PDE4A: variants seen among roughly 807,000 people sequenced by gnomAD.
PDE4A encodes phosphodiesterase 4A, also known as 3',5'-cyclic-AMP phosphodiesterase 4A.
A neutral mutation model predicts 73.9 loss-of-function variants in PDE4A; 21 were observed. The observed-to-expected ratio is 0.28, with a 90% CI of 0.20 to 0.41. PDE4A has a LOEUF of 0.41. Ranked by LOEUF, PDE4A falls within the 10% of genes least tolerant of loss-of-function variation. The pLI, the probability that PDE4A is intolerant of heterozygous loss-of-function variation, is 1.00. For missense variants in PDE4A, 958 were observed against 1,211.4 expected (o/e 0.79, Z 3.10); for synonymous variants, 463 against 505.4 (o/e 0.92, Z 1.13).
chr19:10,433,981 A>G (rs1412603900), intron 1 of PDE4A, among the ~76,000 whole-genome samples: 2 of 152,198 alleles, frequency 1.3e-5, no homozygotes, highest in East Asian at 1.9e-4. Context: ...CTGTAATCCC[A>G]GCACTTTGGG....
rs879808024 is a variant in PDE4A at position 10,453,136 on chromosome 19, AG to A, written c.784-1691del. ...GCCCCCAGCCCTGCTGGGCCGGCCC[AG>A]GCCCCTCCGCGGCTCCCCCTTCCAC... On this transcript the variant is annotated intron_variant, in intron 6 of 14. Transcript: ENST00000380702. This position sits in a 1 kb window ranked among gnomAD's most constrained non-coding sequence, Gnocchi z 4.6. 6.3e-6 allele frequency: 9 copies of A among 1,418,044 alleles called. No individual in the cohort carries two copies. Among genetic ancestry groups the A allele is most frequent in the African/African-American group, 2.9e-5 (2 of 68,028 alleles). 87.8% of individuals were successfully genotyped at this position (1,418,044 alleles called of 1,614,324 possible). A position where few individuals can be genotyped will look rare whatever the true frequency, so the allele number is the denominator to read the frequency against.
At chr19:10,438,107 C>G (rs1364839249) in intron 1 of PDE4A, among the ~76,000 whole-genome samples, 1 of 151,636 alleles carries the variant, frequency 6.6e-6, no homozygotes, top group African/African-American at 2.4e-5. Flanking sequence ...CTTCACCCAG[C>G]CTCCAAGACT....
At chr19:10,456,250 G>A (rs540985235) in intron 7 of PDE4A, among the ~76,000 whole-genome samples, 4 of 151,868 alleles carry the variant, frequency 2.6e-5, no homozygotes, top group South Asian at 4.2e-4. Context: ...AAACTAGGCC[G>A]GGCGCAGTGG....
At position 10,451,001 on chromosome 19, in the gene PDE4A, G is replaced by A. The variant is rs377541220; in HGVS notation, c.783+60G>A. The A allele has an allele frequency of 2.9e-4, 434 of 1,498,398 alleles. 6 individuals are homozygous for A. The East Asian group carries it at 8.2e-3, about 28-fold the overall frequency. The allele number at this position is 1,498,398 out of a possible 1,614,324, so 92.8% of individuals were successfully genotyped here. A position where few individuals can be genotyped will look rare whatever the true frequency, so the allele number is the denominator to read the frequency against. ...CAGGCGGGGGCGGGGCCAGTGGGTA[G>A]AGCCAACCGCTGGATGGGACCAGTG... On this transcript the variant is annotated intron_variant, in intron 6 of 14. Coordinates refer to ENST00000380702, the MANE Select transcript of PDE4A (RefSeq NM_001111307.2).
At chr19:10,423,359 A>G (rs1373534683) in intron 1 of PDE4A, among the ~76,000 whole-genome samples, 1 of 151,712 alleles carries the variant, frequency 6.6e-6, no homozygotes, top group Non-Finnish European at 1.5e-5. Flanking sequence ...GGGTTTCACC[A>G]TGTTGGCCAG....
rs1376773158 is a variant in PDE4A, at chr19:10,420,854, G to A, written c.90G>A (p.Pro30=). ...REGQATLKPP[P]QHLWRQPRTP... is the part of the protein sequence containing the mutation. ...GCCAGGCCACCCTGAAGCCTCCCCCGCAGCACCTGTGGCGGCAGCCTCGGA... is the reference window on the plus strand; with the variant it reads ...GCCAGGCCACCCTGAAGCCTCCCCCACAGCACCTGTGGCGGCAGCCTCGGA... The change falls in exon 1 of 15, where the codon CCG becomes CCA. Residue 30 remains proline, a synonymous_variant. Coordinates refer to ENST00000380702, the MANE Select transcript of PDE4A (RefSeq NM_001111307.2). This position sits in a 1 kb window ranked among gnomAD's most constrained non-coding sequence, Gnocchi z 6.0. The A allele has an allele frequency of 6.3e-7, 1 of 1,589,786 alleles. No homozygotes were observed. Among genetic ancestry groups the A allele is most frequent in the Non-Finnish European group, 8.5e-7 (1 of 1,175,962 alleles).
upstream of PDE4A, chr19:10,417,928 G>A (rs1445197675): frequency 4.7e-6 from 7 of 1,491,006 alleles, no homozygotes; most frequent in African/African-American, 6.9e-5. Flanking sequence ...ACTGGGCTAG[G>A]TCCAGCCACC....
At chr19:10,452,613 G>GGT (rs138348522) in intron 6 of PDE4A, among the ~76,000 whole-genome samples, 5,112 of 147,292 alleles carry the variant, frequency 0.035, 220 homozygotes, top group African/African-American at 0.1. Context: ...ACTGTCTCCG[G>GGT]GTGTGTGTGT....
chr19:10,438,521 C>G (rs528150313), intron 1 of PDE4A, among the ~76,000 whole-genome samples: 17 of 152,272 alleles, frequency 1.1e-4, no homozygotes, highest in Admixed American at 8.5e-4. Context: ...AGTTTGAGTA[C>G]TCCAGGGACC....
At position 10,467,547 on chromosome 19, in the gene PDE4A, G is replaced by T; in HGVS notation, c.2587G>T (p.Ala863Ser). ...TGCCAAGAGGGCTTGCAGTGCCTGC[G>T]CAGGGACATTTGGGGAGGACACATC... is the stretch of plus-strand genomic sequence containing the variant. ...QAAKRACSAC[A>S]GTFGEDTSAL... Residue 863 changes from alanine to serine, a missense_variant, in exon 15 of 15, where the codon GCA (alanine) becomes TCA (serine). Around this residue, in one of 3 missense-constraint regions of PDE4A, gnomAD observed 243 missense variants for 245.9 expected, o/e 0.99. Transcript: ENST00000380702. 1.2e-6 allele frequency: 2 copies of T among 1,611,466 alleles called. No individual in the cohort carries two copies. Among genetic ancestry groups the T allele is most frequent in the South Asian group, 1.1e-5 (1 of 90,982 alleles).
intron 1 of PDE4A, chr19:10,430,900 C>T (rs760651202): frequency 1.3e-6 from 2 of 1,492,846 alleles, no homozygotes; most frequent in South Asian, 1.3e-5. Context: ...GTGGCCTTCC[C>T]GGTGGCGGTG....
At chr19:10,419,737 C>T (rs2042625307), upstream of PDE4A, 1 of 152,604 alleles carries the variant, frequency 6.6e-6, no homozygotes, top group African/African-American at 2.4e-5. Flanking sequence ...CGACAGAGGC[C>T]GAATCGCGTG....
intron 1 of PDE4A, among the ~76,000 whole-genome samples, chr19:10,440,869 A>AT (rs1261490773): frequency 1.3e-5 from 2 of 150,208 alleles, no homozygotes; most frequent in Non-Finnish European, 3.0e-5. Context: ...AAGTGCTGGG[A>AT]TTACAGGCGT....
chr19:10,423,955 G>A (rs2042682178), intron 1 of PDE4A, among the ~76,000 whole-genome samples: 1 of 152,242 alleles, frequency 6.6e-6, no homozygotes, highest in African/African-American at 2.4e-5. Flanking sequence ...TCAATGCTTA[G>A]AACAGGCATT....
At chr19:10,420,054 A>G (rs1323763761), upstream of PDE4A, 1 of 152,236 alleles carries the variant, frequency 6.6e-6, no homozygotes, top group Non-Finnish European at 1.5e-5. The surrounding 1 kb of genome is among the most constrained non-coding windows in gnomAD (Gnocchi z 6.0). Flanking sequence ...CACCATCACT[A>G]TCCTCCGACG....
chr19:10,420,503 G>A (rs2042634461), upstream of PDE4A: 1 of 920,518 alleles, frequency 1.1e-6, no homozygotes, highest in Non-Finnish European at 1.3e-6. This position sits in a 1 kb window ranked among gnomAD's most constrained non-coding sequence, Gnocchi z 6.0. Flanking sequence ...GGCTGGCGCC[G>A]AGCGGGCCGC....
intron 11 of PDE4A, 197 bp from the exon 12 acceptor site, chr19:10,461,329 T>C (rs1183180186): frequency 1.2e-6 from 1 of 821,912 alleles, no homozygotes; most frequent in East Asian, 1.7e-4. Flanking sequence ...GGAAAGGGGA[T>C]GAACGGGCAG....
At chr19:10,448,160 C>T (rs1191714901) in intron 2 of PDE4A, among the ~76,000 whole-genome samples, 7 of 148,626 alleles carry the variant, frequency 4.7e-5, no homozygotes, top group African/African-American at 1.5e-4. Flanking sequence ...AGTGCAGTGG[C>T]GCGATCTTGG....
intron 1 of PDE4A, among the ~76,000 whole-genome samples, chr19:10,422,502 C>T (rs1002106495): frequency 6.6e-6 from 1 of 152,138 alleles, no homozygotes; most frequent in African/African-American, 2.4e-5. Flanking sequence ...CAGCTTTGCC[C>T]GTGTGCTCTA....
Sources: allele counts gnomAD v4.1 joint callset (sites outside exome capture counted in the v4.1 genomes callset), GRCh38; gene constraint gnomAD v4.1.1; regional missense constraint gnomAD v4.1.1; non-coding constraint Gnocchi (gnomAD v3.1); transcripts MANE v1.5; gene names NCBI Gene and HGNC (gene_info 2026-07-23, HGNC 2026-07-21).